Variants in KCNJ6 observed in about 807,000 individuals in gnomAD.
KCNJ6 encodes the protein G protein-activated inward rectifier potassium channel 2.
KCNJ6 carries 9 observed loss-of-function variants against 34.2 expected under a neutral mutation model. The observed-to-expected ratio is 0.26, with a 90% CI of 0.16 to 0.46. The LOEUF (loss-of-function observed/expected upper bound fraction) is 0.46. Among genes scored for constraint, KCNJ6 ranks in the 20% least tolerant of loss-of-function variants. The pLI is 1.00. For missense variants in KCNJ6, 236 were observed against 531.3 expected, an observed-to-expected ratio of 0.44 and a Z score of 5.46; for synonymous variants, 196 against 207.1, an observed-to-expected ratio of 0.95 and a Z score of 0.46.
chr21:37,717,022 G>A (rs1053824023), intron 2 of KCNJ6: 1 of 154,448 alleles, frequency 6.5e-6, no homozygotes. Flanking sequence ...AGCCGGAGAT[G>A]GGATTTGAGT....
At chr21:37,681,007 G>C (rs566981254) in intron 3 of KCNJ6, among the ~76,000 whole-genome samples, 1 of 152,298 alleles carries the variant, frequency 6.6e-6, no homozygotes, top group East Asian at 1.9e-4. Flanking sequence ...ATTCTCCCAA[G>C]GGACAGCGCT....
chr21:37,773,259 C>T (rs1487460317), intron 2 of KCNJ6, among the ~76,000 whole-genome samples: 1 of 152,176 alleles, frequency 6.6e-6, no homozygotes, highest in Non-Finnish European at 1.5e-5. Context: ...GCAGGAGGCT[C>T]TCTGGACATT....
chr21:37,815,531 G>A (rs958691677), intron 2 of KCNJ6, among the ~76,000 whole-genome samples: 1 of 152,204 alleles, frequency 6.6e-6, no homozygotes, highest in African/African-American at 2.4e-5. Context: ...TCCCACAAGT[G>A]ACTCGGGGCA....
intron 2 of KCNJ6, among the ~76,000 whole-genome samples, chr21:37,794,544 ATTTAT>A (rs1475615619): frequency 6.6e-6 from 1 of 152,260 alleles, no homozygotes; most frequent in East Asian, 1.9e-4. Flanking sequence ...TCAACAACGT[ATTTAT>A]TTTATTAGGT....
intron 1 of KCNJ6, among the ~76,000 whole-genome samples, chr21:37,909,829 C>T (rs975573192): frequency 6.6e-6 from 1 of 152,134 alleles, no homozygotes; most frequent in Non-Finnish European, 1.5e-5. Flanking sequence ...ATATTATTGC[C>T]TCCAATTATT....
At chr21:37,891,887 T>G (rs1601519597) in intron 1 of KCNJ6, among the ~76,000 whole-genome samples, 1 of 151,684 alleles carries the variant, frequency 6.6e-6, no homozygotes, top group Non-Finnish European at 1.5e-5. Flanking sequence ...GGGCTGGGTG[T>G]GGGTTGATGG....
intron 3 of KCNJ6, among the ~76,000 whole-genome samples, chr21:37,651,674 T>C (rs1407199846): frequency 2.0e-5 from 3 of 152,188 alleles, no homozygotes; most frequent in Non-Finnish European, 4.4e-5. Context: ...ACTGAGCACC[T>C]GGGTGGACAG....
intron 3 of KCNJ6, among the ~76,000 whole-genome samples, chr21:37,641,180 T>TC (rs924719739): frequency 2.6e-5 from 4 of 152,228 alleles, no homozygotes; most frequent in Non-Finnish European, 5.9e-5. Flanking sequence ...GATGGGGGTT[T>TC]CTGTGGGCAG....
intron 2 of KCNJ6, among the ~76,000 whole-genome samples, chr21:37,835,540 C>A (rs987260716): frequency 3.9e-5 from 6 of 152,208 alleles, no homozygotes; most frequent in Non-Finnish European, 4.4e-5. Context: ...TATGTAAGAA[C>A]AGCCTGCAAA....
rs1482643711 is a variant in KCNJ6 at position 37,620,130 on chromosome 21, T to C, written c.*5029A>G. On this transcript the variant is annotated 3_prime_UTR_variant, in exon 4 of 4. Transcript: ENST00000609713. ...TCTTCTATATTGCCTAGGACTCTCT[T>C]AAGAGTACAGTACAATATTTCATAG... The C allele has an allele frequency of 6.6e-6, 1 of 152,222 alleles. No individual in the cohort carries two copies. The highest frequency in any genetic ancestry group is 1.9e-4 in the East Asian group (1 of 5,202). The allele number at this position is 152,222 out of a possible 1,614,324, so 9.4% of individuals were successfully genotyped here.
intron 2 of KCNJ6, among the ~76,000 whole-genome samples, chr21:37,811,721 A>G (rs1211756918): frequency 6.6e-6 from 1 of 152,218 alleles, no homozygotes; most frequent in African/African-American, 2.4e-5. Context: ...TAAAACTGAC[A>G]TAACTACCAA....
At chr21:37,833,075 C>T (rs187210707) in intron 2 of KCNJ6, among the ~76,000 whole-genome samples, 99 of 151,962 alleles carry the variant, frequency 6.5e-4, no homozygotes, top group African/African-American at 2.1e-3. Flanking sequence ...AGTGCAATGG[C>T]GCAATCTTGG....
chr21:37,841,144 T>A (rs1351824295), intron 1 of KCNJ6, among the ~76,000 whole-genome samples: 1 of 152,176 alleles, frequency 6.6e-6, no homozygotes, highest in African/African-American at 2.4e-5. Flanking sequence ...TTTATACATA[T>A]TTCTTTGTCT....
At chr21:37,860,683 G>T (rs928156373) in intron 1 of KCNJ6, among the ~76,000 whole-genome samples, 5 of 151,988 alleles carry the variant, frequency 3.3e-5, no homozygotes, top group African/African-American at 1.2e-4. Context: ...CGGGGCCATT[G>T]TACTTGCCAG....
intron 2 of KCNJ6, among the ~76,000 whole-genome samples, chr21:37,785,208 G>C (rs2055187191): frequency 6.6e-6 from 1 of 152,200 alleles, no homozygotes. Flanking sequence ...ATGAGGATGA[G>C]AACCTGAGGC....
chr21:37,910,015 T>C (rs1004177005), intron 1 of KCNJ6, among the ~76,000 whole-genome samples: 1 of 152,184 alleles, frequency 6.6e-6, no homozygotes, highest in Non-Finnish European at 1.5e-5. Context: ...AGCAGAAATG[T>C]TAAGGGCCAT....
chr21:37,651,580 A>C, intron 3 of KCNJ6, among the ~76,000 whole-genome samples: 1 of 152,064 alleles, frequency 6.6e-6, no homozygotes, highest in Non-Finnish European at 1.5e-5. Context: ...CAGAGCGGGG[A>C]AGGGAAATAG....
chr21:37,743,570 GT>G (rs1452783803), intron 2 of KCNJ6, among the ~76,000 whole-genome samples: 1 of 152,070 alleles, frequency 6.6e-6, no homozygotes, highest in Non-Finnish European at 1.5e-5. Context: ...AAGAGAATGA[GT>G]TTGGCCCCTC....
In KCNJ6 at chr21:37,784,977, T is replaced by A. The variant is rs2055186244; in HGVS notation, c.25+55681A>T. The stretch of plus-strand genomic sequence containing the variant: ...ATTTGGAGAATGTCACAGAGATTCA[T>A]CTCCTAAGAGCCCCCAGACTCGTGT... On this transcript the variant is annotated intron_variant, in intron 2 of 3. Coordinates refer to ENST00000609713, the MANE Select transcript of KCNJ6 (RefSeq NM_002240.5). Among the ~76,000 whole-genome samples the A allele has an allele frequency of 5.3e-5, 8 of 152,286 alleles. No homozygotes were observed. The South Asian group carries it at 1.7e-3, about 32-fold the overall frequency.
Sources: allele counts gnomAD v4.1 joint callset (sites outside exome capture counted in the v4.1 genomes callset), GRCh38; gene constraint gnomAD v4.1.1; transcripts MANE v1.5; gene names NCBI Gene and HGNC (gene_info 2026-07-23, HGNC 2026-07-21).